Variants in TJP1 observed in about 807,000 individuals in gnomAD.
TJP1 encodes tight junction protein 1.
TJP1 carries 43 observed loss-of-function variants against 194.2 expected under a neutral mutation model. That is an observed-to-expected ratio of 0.22 (90% confidence interval 0.17 to 0.29). TJP1 has a LOEUF of 0.29. Among genes scored for constraint, TJP1 ranks in the 10% least tolerant of loss-of-function variants. TJP1 has a pLI of 1.00. For missense variants in TJP1, 1,971 were observed against 2,185.7 expected (o/e 0.90, Z 1.96); for synonymous variants, 801 against 779.0 (o/e 1.03, Z -0.47).
intron 7 of TJP1, 105 bp from the exon 8 acceptor site, chr15:29,761,391 A>G: frequency 7.1e-7 from 1 of 1,406,942 alleles, no homozygotes; most frequent in Non-Finnish European, 9.6e-7. Flanking sequence ...AATTATATAT[A>G]AAATGGAAGA....
At position 29,845,729 on chromosome 15, in the gene TJP1, G is replaced by A. The variant is rs1459892302; in HGVS notation, c.307-45027C>T. On this transcript the variant is annotated intron_variant, in intron 2 of 28. Transcript: ENST00000356107. ...TGAGGCAGGAGAATGGCGTGAAACC[G>A]GGAGGCGGAGCTTATAGTGAGCTGA... Among the ~76,000 whole-genome samples the A allele has an allele frequency of 3.9e-5, 6 of 152,286 alleles. No individual in the cohort carries two copies. In the East Asian group the frequency reaches 5.8e-4, roughly 15 times the overall value.
At chr15:29,798,679 C>A (rs1015141704) in intron 2 of TJP1, among the ~76,000 whole-genome samples, 5 of 152,022 alleles carry the variant, frequency 3.3e-5, no homozygotes. Flanking sequence ...TAAGTATTTA[C>A]CCAAAAGAAA....
At chr15:29,830,761 C>T (rs2050813422) in intron 2 of TJP1, among the ~76,000 whole-genome samples, 1 of 151,922 alleles carries the variant, frequency 6.6e-6, no homozygotes, top group Admixed American at 6.6e-5. Context: ...AAGGAGTACT[C>T]CTAATGTCCG....
chr15:29,765,764 T>C (rs2046292508), intron 5 of TJP1, among the ~76,000 whole-genome samples: 1 of 152,092 alleles, frequency 6.6e-6, no homozygotes, highest in Non-Finnish European at 1.5e-5. Context: ...TGGTGGCATG[T>C]ACTTGTACTT....
At chr15:29,925,792 AG>A (rs1358957466) in intron 2 of TJP1, among the ~76,000 whole-genome samples, 5 of 152,238 alleles carry the variant, frequency 3.3e-5, no homozygotes, top group Admixed American at 6.5e-5. Context: ...CAACACTGAA[AG>A]GGTAAAGTTC....
intron 2 of TJP1, among the ~76,000 whole-genome samples, chr15:29,945,636 G>C (rs1247397350): frequency 6.6e-6 from 1 of 152,150 alleles, no homozygotes; most frequent in East Asian, 1.9e-4. Context: ...CCAAGAGTAA[G>C]TTTGACAGCA....
chr15:29,917,101 G>T (rs56906691), intron 2 of TJP1, among the ~76,000 whole-genome samples: 7,157 of 152,146 alleles, frequency 0.047, 498 homozygotes, highest in African/African-American at 0.15. Flanking sequence ...GAACTGTCTC[G>T]TCCTATCAGG....
intron 2 of TJP1, among the ~76,000 whole-genome samples, chr15:29,878,920 C>G (rs890888343): frequency 1.1e-4 from 17 of 151,842 alleles, no homozygotes; most frequent in Admixed American, 5.2e-4. Flanking sequence ...GTCAAGAGAT[C>G]GAGACTGTGC....
At chr15:29,766,202 C>T (rs1370389553) in intron 5 of TJP1, 64 bp downstream of exon 5, 7 of 1,555,282 alleles carry the variant, frequency 4.5e-6, no homozygotes, top group Non-Finnish European at 4.3e-6. Flanking sequence ...AGCAACTGTA[C>T]TTCTCATTAA....
chr15:29,706,577 G>A (rs960464273), intron 25 of TJP1, among the ~76,000 whole-genome samples: 1 of 152,186 alleles, frequency 6.6e-6, no homozygotes, highest in Non-Finnish European at 1.5e-5. Flanking sequence ...AACAGGTACA[G>A]AGTTTTATGA....
intron 2 of TJP1, among the ~76,000 whole-genome samples, chr15:29,827,900 A>G (rs997213990): frequency 2.0e-5 from 3 of 152,156 alleles, no homozygotes; most frequent in African/African-American, 7.2e-5. Flanking sequence ...GTCTGCCACA[A>G]CTAGGTCTTT....
chr15:29,755,407 T>C (rs367820442), intron 8 of TJP1, among the ~76,000 whole-genome samples: 3 of 152,200 alleles, frequency 2.0e-5, no homozygotes, highest in East Asian at 1.9e-4. Context: ...ATTGTATAGA[T>C]AAGAGGTTTT....
rs187649125 is a variant in TJP1, at chr15:29,869,869, C to T, written c.307-69167G>A. ...TTGCCCAGGCTGGAGTGCAGTGGCGCGATCTCGGCTCACTGCAACCTCCAC... is the reference window on the plus strand; with the variant it reads ...TTGCCCAGGCTGGAGTGCAGTGGCGTGATCTCGGCTCACTGCAACCTCCAC... On this transcript the variant is annotated intron_variant, in intron 2 of 28. Transcript: ENST00000356107. Among the ~76,000 whole-genome samples the T allele has an allele frequency of 3.1e-3, 404 of 131,058 alleles. 1 individual carries two copies. The highest frequency in any genetic ancestry group is 2.6e-3 in the Non-Finnish European group (172 of 64,970). 86.0% of individuals were successfully genotyped at this position (131,058 alleles called of 152,430 possible). A position where few individuals can be genotyped will look rare whatever the true frequency, so the allele number is the denominator to read the frequency against.
At chr15:29,893,474 T>G (rs1210129345) in intron 2 of TJP1, among the ~76,000 whole-genome samples, 1 of 152,152 alleles carries the variant, frequency 6.6e-6, no homozygotes, top group East Asian at 1.9e-4. Context: ...CAGAAAAATC[T>G]TTCATGAAAG....
At chr15:29,747,735 T>TA (rs2044899371) in intron 8 of TJP1, among the ~76,000 whole-genome samples, 1 of 152,194 alleles carries the variant, frequency 6.6e-6, no homozygotes, top group Admixed American at 6.5e-5. Flanking sequence ...TATTTTAACT[T>TA]ACAATATTTT....
chr15:29,760,924 T>C (rs943484088), intron 8 of TJP1, among the ~76,000 whole-genome samples: 3 of 152,240 alleles, frequency 2.0e-5, no homozygotes, highest in Non-Finnish European at 4.4e-5. Context: ...AAAAGAACTA[T>C]ATGGCCTGCA....
intron 8 of TJP1, among the ~76,000 whole-genome samples, chr15:29,753,822 G>GAAAAAAAAAA (rs59926060): frequency 2.9e-5 from 2 of 68,346 alleles, no homozygotes. Flanking sequence ...AAGGGAAACA[G>GAAAAAAAAAA]AAAAAAAAAA....
chr15:29,899,915 G>A (rs2053586443), intron 2 of TJP1, among the ~76,000 whole-genome samples: 1 of 152,174 alleles, frequency 6.6e-6, no homozygotes, highest in Non-Finnish European at 1.5e-5. Flanking sequence ...TAGGTACTGA[G>A]GATACAGCAG....
chr15:29,778,507 A>G (rs1383919936), intron 2 of TJP1, among the ~76,000 whole-genome samples: 1 of 151,822 alleles, frequency 6.6e-6, no homozygotes, highest in Admixed American at 6.6e-5. Flanking sequence ...CTTTCAACAG[A>G]TTTCTCACCT....
Sources: gnomAD v4.1 joint callset for allele counts (sites outside exome capture counted in the v4.1 genomes callset) on GRCh38, gnomAD v4.1.1 for gene constraint, MANE v1.5 for transcripts, NCBI Gene and HGNC (gene_info 2026-07-23, HGNC 2026-07-21) for gene names.